The following CTNNA3 variants were observed in gnomAD, a reference collection of about 807,000 sequenced individuals.
CTNNA3 encodes catenin alpha-3.
In CTNNA3, 76 loss-of-function variants were observed where a neutral mutation model predicts 95.7. The observed-to-expected ratio is 0.79, with a 90% CI of 0.66 to 0.96. CTNNA3 has a LOEUF of 0.96. Ranked by LOEUF, CTNNA3 falls within the 40% of genes least tolerant of loss-of-function variation. The probability of loss-of-function intolerance (pLI) is 0.00; values close to 1 mark genes in which losing one functional copy is unlikely to be tolerated. For synonymous variants in CTNNA3, 431 were observed against 374.4 expected, an observed-to-expected ratio of 1.15 and a Z score of -1.74; for missense variants, 1,191 against 1,089.8, an observed-to-expected ratio of 1.09 and a Z score of -1.31.
chr10:66,784,257 C>T (rs1840653424), intron 7 of CTNNA3, among the ~76,000 whole-genome samples: 1 of 152,042 alleles, frequency 6.6e-6, no homozygotes, highest in Non-Finnish European at 1.5e-5. Context: ...TAAATTAAAG[C>T]CTCCACTTTA....
chr10:67,473,148 T>C (rs1343271989), intron 5 of CTNNA3, among the ~76,000 whole-genome samples: 2 of 152,220 alleles, frequency 1.3e-5, no homozygotes, highest in African/African-American at 4.8e-5. Context: ...AAGTGAAGAC[T>C]ATTATTACAT....
chr10:67,255,998 A>G (rs1866335080), intron 5 of CTNNA3, among the ~76,000 whole-genome samples: 1 of 152,080 alleles, frequency 6.6e-6, no homozygotes, highest in South Asian at 2.1e-4. Context: ...TAATAGATAT[A>G]GAGTATATAT....
intron 5 of CTNNA3, among the ~76,000 whole-genome samples, chr10:67,250,547 C>T (rs913362596): frequency 2.0e-5 from 3 of 152,006 alleles, no homozygotes; most frequent in East Asian, 1.9e-4. Context: ...ACATGGGTTC[C>T]GCAGGGCAGA....
chr10:67,277,125 A>G (rs1006919397), intron 5 of CTNNA3, among the ~76,000 whole-genome samples: 44 of 152,266 alleles, frequency 2.9e-4, no homozygotes, highest in African/African-American at 1.0e-3. Flanking sequence ...TATAATTAAG[A>G]AGAATATGCT....
chr10:66,117,878 G>C (rs1278329350), intron 13 of CTNNA3, among the ~76,000 whole-genome samples: 2 of 152,146 alleles, frequency 1.3e-5, no homozygotes, highest in East Asian at 3.9e-4. Flanking sequence ...CACGGAGCTG[G>C]TGTGTGTGGA....
intron 7 of CTNNA3, among the ~76,000 whole-genome samples, chr10:66,821,281 T>G (rs1445752293): frequency 6.6e-6 from 1 of 152,160 alleles, no homozygotes; most frequent in Non-Finnish European, 1.5e-5. Context: ...CAGAAGCCCA[T>G]ACAAGGTATG....
intron 5 of CTNNA3, among the ~76,000 whole-genome samples, chr10:67,355,738 A>G (rs1842786170): frequency 1.3e-5 from 2 of 152,076 alleles, no homozygotes; most frequent in Non-Finnish European, 2.9e-5. Context: ...ATGATAATAC[A>G]AAGCTATCAT....
intron 7 of CTNNA3, among the ~76,000 whole-genome samples, chr10:67,113,146 T>C (rs912977213): frequency 5.3e-5 from 8 of 152,224 alleles, no homozygotes; most frequent in Non-Finnish European, 1.0e-4. Flanking sequence ...CTATATCATA[T>C]GTCTTTTGTA....
At chr10:66,525,668 T>A (rs74141579) in intron 10 of CTNNA3, among the ~76,000 whole-genome samples, 6,633 of 152,158 alleles carry the variant, frequency 0.044, 192 homozygotes, top group South Asian at 0.067. Flanking sequence ...AGAAAGAATA[T>A]ATATATAAAA....
intron 10 of CTNNA3, among the ~76,000 whole-genome samples, chr10:66,560,744 T>G (rs1481232213): frequency 6.6e-6 from 1 of 151,990 alleles, no homozygotes; most frequent in Non-Finnish European, 1.5e-5. Flanking sequence ...AATGTGATAG[T>G]ATTTGGAGGT....
At chr10:66,993,437 G>A (rs1851150236) in intron 7 of CTNNA3, among the ~76,000 whole-genome samples, 1 of 152,090 alleles carries the variant, frequency 6.6e-6, no homozygotes, top group Admixed American at 6.6e-5. Flanking sequence ...TACCTGGGAA[G>A]GAAAATAGTG....
At chr10:65,969,873 T>C (rs2078058590) in intron 16 of CTNNA3, among the ~76,000 whole-genome samples, 1 of 151,986 alleles carries the variant, frequency 6.6e-6, no homozygotes, top group Non-Finnish European at 1.5e-5. Context: ...AGAAAATGTT[T>C]CAAATTTTGC....
intron 15 of CTNNA3, among the ~76,000 whole-genome samples, chr10:66,038,023 T>C (rs2079602798): frequency 6.6e-6 from 1 of 152,222 alleles, no homozygotes; most frequent in Non-Finnish European, 1.5e-5. Context: ...GCCCAGAAGC[T>C]CTACGCATTG....
chr10:66,707,201 C>T (rs1848146162), intron 9 of CTNNA3, among the ~76,000 whole-genome samples: 1 of 151,892 alleles, frequency 6.6e-6, no homozygotes, highest in South Asian at 2.1e-4. Context: ...GTAAAACAAA[C>T]TTCAGTTAGA....
At chr10:67,206,323 T>C (rs373178012) in intron 6 of CTNNA3, among the ~76,000 whole-genome samples, 4 of 152,212 alleles carry the variant, frequency 2.6e-5, no homozygotes, top group South Asian at 2.1e-4. Context: ...CTTTAGCTGA[T>C]TGCCTGTGGT....
chr10:67,574,564 A>C (rs949074460), intron 3 of CTNNA3, among the ~76,000 whole-genome samples: 1 of 149,266 alleles, frequency 6.7e-6, no homozygotes, highest in African/African-American at 2.5e-5. Flanking sequence ...TCTTACATTG[A>C]CAAGGTTGTT....
chr10:66,738,421 GCTGCATCTCTGC>G (rs1306374475), intron 9 of CTNNA3, among the ~76,000 whole-genome samples: 3 of 152,068 alleles, frequency 2.0e-5, no homozygotes, highest in Non-Finnish European at 2.9e-5. Flanking sequence ...ATGCTCACAA[GCTGCATCTCTGC>G]AAATGACAAC....
intron 10 of CTNNA3, among the ~76,000 whole-genome samples, chr10:66,605,490 T>C (rs1028605203): frequency 6.6e-6 from 1 of 152,026 alleles, no homozygotes; most frequent in African/African-American, 2.4e-5. Flanking sequence ...AGAAGATCGC[T>C]CCAAGACATA....
intron 13 of CTNNA3, among the ~76,000 whole-genome samples, chr10:66,180,349 A>G (rs1372146232): frequency 6.6e-6 from 1 of 152,186 alleles, no homozygotes; most frequent in African/African-American, 2.4e-5. Flanking sequence ...AAGCTGGATA[A>G]AGATAATTCT....
Sources: gnomAD v4.1 joint callset for allele counts (sites outside exome capture counted in the v4.1 genomes callset) on GRCh38, gnomAD v4.1.1 for gene constraint, MANE v1.5 for transcripts, NCBI Gene and HGNC (gene_info 2026-07-23, HGNC 2026-07-21) for gene names.